The following DMXL2 variants were observed in gnomAD, a reference collection of about 807,000 sequenced individuals.
DMXL2 encodes dmX-like protein 2.
DMXL2 carries 103 observed loss-of-function variants against 331.1 expected under a neutral mutation model. The observed-to-expected ratio is 0.31, with a 90% CI of 0.27 to 0.37. The LOEUF (loss-of-function observed/expected upper bound fraction) is 0.37, where lower values mean the gene tolerates loss of function less well. Among genes scored for constraint, DMXL2 ranks in the 10% least tolerant of loss-of-function variants. The pLI is 1.00. For synonymous variants in DMXL2, 1,281 were observed against 1,252.1 expected, an observed-to-expected ratio of 1.02 and a Z score of -0.49; for missense variants, 3,171 against 3,642.9, an observed-to-expected ratio of 0.87 and a Z score of 3.33.
chr15:51,564,333 T>C (rs1412673975), intron 4 of DMXL2, 73 bp from the exon 5 acceptor site: 1 of 1,186,052 alleles, frequency 8.4e-7, no homozygotes, highest in Non-Finnish European at 1.1e-6. Flanking sequence ...GGCTTCTGTT[T>C]AGATCTGTAA....
chr15:51,612,874 C>A (rs112169910), intron 1 of DMXL2, among the ~76,000 whole-genome samples: 1 of 152,184 alleles, frequency 6.6e-6, no homozygotes, highest in Non-Finnish European at 1.5e-5. Flanking sequence ...CATCTATGAC[C>A]GTAAAAGACA....
At chr15:51,565,261 T>TA in intron 3 of DMXL2, 95 bp from the exon 4 acceptor site, 1 of 659,518 alleles carries the variant, frequency 1.5e-6, no homozygotes. Context: ...TTCTTCAACT[T>TA]AAGACTTTAA....
intron 16 of DMXL2, among the ~76,000 whole-genome samples, chr15:51,503,393 A>C (rs895305090): frequency 5.3e-5 from 8 of 152,230 alleles, no homozygotes; most frequent in Non-Finnish European, 1.0e-4. Flanking sequence ...TTCAGCTATA[A>C]ACAAGAATGA....
At position 51,545,667 on chromosome 15, in the gene DMXL2, C is replaced by A; in HGVS notation, c.846G>T (p.Gln282His). The A allele has an allele frequency of 6.2e-7, 1 of 1,613,790 alleles. No homozygotes were observed. Among genetic ancestry groups the A allele is most frequent in the African/African-American group, 1.3e-5 (1 of 75,014 alleles). ...LLPEDCLLGEQICETTTSSIA... is the reference protein window; with the variant it reads ...LLPEDCLLGEHICETTTSSIA... ...TGCTGGAAGTGGTAGTCTCACAAAT[C>A]TGCTCACCCAAAAGACAGTCTTCTG... The change falls in exon 8 of 44, where the codon CAG becomes CAT. Residue 282 changes from glutamine to histidine, a missense_variant. By Grantham distance (24) the Gln-to-His change is conservative. Around this residue, in one of 7 missense-constraint regions of DMXL2, gnomAD observed 1,674 missense variants for 1,780.2 expected, o/e 0.94. Coordinates refer to ENST00000560891, the MANE Select transcript of DMXL2 (RefSeq NM_001378457.1).
At chr15:51,449,672 A>C (rs974929291) in intron 43 of DMXL2, among the ~76,000 whole-genome samples, 1 of 152,186 alleles carries the variant, frequency 6.6e-6, no homozygotes, top group Non-Finnish European at 1.5e-5. Context: ...AGTTGAAAGT[A>C]TGTTTTTCAA....
intron 25 of DMXL2, among the ~76,000 whole-genome samples, chr15:51,479,144 A>G (rs1049210073): frequency 1.3e-5 from 2 of 152,222 alleles, no homozygotes; most frequent in African/African-American, 4.8e-5. Flanking sequence ...TGATTTAAAT[A>G]ATCTCTGCTA....
rs1484377145 is a variant in DMXL2 at position 51,451,703 on chromosome 15, A to G, written c.8697-6T>C. On this transcript the variant is annotated splice_region_variant and splice_polypyrimidine_tract_variant and intron_variant, in intron 41 of 43. Coordinates refer to ENST00000560891, the MANE Select transcript of DMXL2 (RefSeq NM_001378457.1). ...TGTCCCAGAGGCAAACATTTCTTTT[A>G]AAGAAACACAATAACAAAAATACAT... 1.4e-5 allele frequency: 23 copies of G among 1,610,370 alleles called. No homozygotes were observed. Among genetic ancestry groups the G allele is most frequent in the Non-Finnish European group, 1.9e-5 (22 of 1,177,386 alleles).
Position 51,548,178 on chromosome 15 carries a change from T to C in DMXL2, c.568-770A>G, listed in dbSNP as rs138146782. On this transcript the variant is annotated intron_variant, in intron 6 of 43. Coordinates refer to ENST00000560891, the MANE Select transcript of DMXL2 (RefSeq NM_001378457.1). ...GTATTTTAACAGAAACTATCTTTTA[T>C]AGTGCTTTATAACCAATAATAAAAA... Among the ~76,000 whole-genome samples the C allele has an allele frequency of 3.1e-3, 475 of 152,276 alleles. 3 individuals are homozygous for C. The highest frequency in any genetic ancestry group is 0.011 in the African/African-American group (458 of 41,574).
At position 51,498,578 on chromosome 15, in the gene DMXL2, T is replaced by C; in HGVS notation, c.4646A>G (p.Asp1549Gly). Reference sequence around the variant, plus strand: ...TGAGCAACTCTTATCTCTGCTTTCATCAAGCTCAGTACTAGTAGTAGCCAC... The same window carrying C: ...TGAGCAACTCTTATCTCTGCTTTCACCAAGCTCAGTACTAGTAGTAGCCAC... The part of the protein sequence containing the change: ...DTVATTSTEL[D>G]ESRDKSCSGR... Residue 1549 changes from aspartate to glycine, a missense_variant, in exon 18 of 44, where the codon GAT becomes GGT. By Grantham distance (94) the Asp-to-Gly change is moderately conservative (BLOSUM62 -1). Around this residue, in one of 7 missense-constraint regions of DMXL2, gnomAD observed 252 missense variants for 387.4 expected, o/e 0.65. Coordinates refer to ENST00000560891, the MANE Select transcript of DMXL2 (RefSeq NM_001378457.1). The C allele has an allele frequency of 6.2e-7, 1 of 1,612,138 alleles. No individual in the cohort carries two copies. Among genetic ancestry groups the C allele is most frequent in the Non-Finnish European group, 8.5e-7 (1 of 1,179,358 alleles).
chr15:51,451,794 C>T (rs2039166678), intron 41 of DMXL2, 97 bp from the exon 42 acceptor site: 1 of 1,080,394 alleles, frequency 9.3e-7, no homozygotes, highest in South Asian at 1.4e-5. Context: ...TTTGCTTATT[C>T]ATTCTTATCT....
intron 21 of DMXL2, 64 bp downstream of exon 21, chr15:51,488,484 A>T: frequency 7.3e-7 from 1 of 1,360,864 alleles, no homozygotes. Context: ...CAAAAGCATT[A>T]GGTTTCTTAC....
intron 16 of DMXL2, among the ~76,000 whole-genome samples, chr15:51,504,051 T>C (rs1297840435): frequency 1.3e-5 from 2 of 152,102 alleles, no homozygotes; most frequent in Admixed American, 6.6e-5. Context: ...CTTACAACCT[T>C]TAAAACACAT....
At chr15:51,603,995 C>T (rs1246815293) in intron 1 of DMXL2, among the ~76,000 whole-genome samples, 1 of 151,772 alleles carries the variant, frequency 6.6e-6, no homozygotes, top group Admixed American at 6.6e-5. Flanking sequence ...AACACAGATG[C>T]AAACACACTC....
At chr15:51,566,656 G>T in intron 3 of DMXL2, among the ~76,000 whole-genome samples, 1 of 151,804 alleles carries the variant, frequency 6.6e-6, no homozygotes, top group East Asian at 1.9e-4. Context: ...TACTGTTTTG[G>T]GGGAATGTAA....
chr15:51,583,121 CTT>C (rs1171970352), intron 1 of DMXL2, among the ~76,000 whole-genome samples: 13 of 34,880 alleles, frequency 3.7e-4, no homozygotes, highest in African/African-American at 1.1e-3. Flanking sequence ...TTTTTTTTTT[CTT>C]TTTTTTTTTT....
At position 51,514,319 on chromosome 15, in the gene DMXL2, C is replaced by T. The variant is rs1335413885; in HGVS notation, c.2644+123G>A. ...CTACAAGCAAGCAATTTTGACAGAA[C>T]TAACTGGTGAATCTGTCAAAAATTA... On this transcript the variant is annotated intron_variant, in intron 15 of 43. Coordinates refer to ENST00000560891, the MANE Select transcript of DMXL2 (RefSeq NM_001378457.1). 1.1e-5 allele frequency: 7 copies of T among 614,552 alleles called. No homozygotes were observed. In the African/African-American group the frequency reaches 1.3e-4, roughly 12 times the overall value. The allele number at this position is 614,552 out of a possible 1,614,324, so 38.1% of individuals were successfully genotyped here.
In DMXL2 at chr15:51,488,124, G is replaced by A; in HGVS notation, c.5052-5C>T. 6.3e-7 allele frequency: 1 copy of A among 1,590,060 alleles called. No individual in the cohort carries two copies. The highest frequency in any genetic ancestry group is 1.2e-5 in the South Asian group (1 of 86,382). On this transcript the variant is annotated splice_region_variant and splice_polypyrimidine_tract_variant and intron_variant, in intron 21 of 43. Transcript: ENST00000560891. ...ATTTTTTCATCATGCTGTGACCTGG[G>A]GACCGAGCATAAACATAAAGTGGTT...
At chr15:51,530,717 T>C (rs2047953003) in intron 13 of DMXL2, among the ~76,000 whole-genome samples, 1 of 152,132 alleles carries the variant, frequency 6.6e-6, no homozygotes, top group Non-Finnish European at 1.5e-5. Context: ...ATCACACCAC[T>C]GCACTCCAGC....
chr15:51,466,187 T>C lies in DMXL2; in HGVS notation c.7517A>G (p.Tyr2506Cys). 2 of 1,558,114 alleles carry C rather than the reference T, an allele frequency of 1.3e-6. No individual in the cohort carries two copies. Among genetic ancestry groups the C allele is most frequent in the Non-Finnish European group, 1.7e-6 (2 of 1,161,980 alleles). ...QIQEHQDPNS[Y>C]SWALLHLTMV... The stretch of plus-strand genomic sequence containing the variant: ...GAGAAAGAAAAGTCTTATTTACCTA[T>C]AGGAATTTGGATCTTGGTGCTCCTG... The change falls in exon 30 of 44, where the codon TAT (tyrosine) becomes TGT (cysteine). Residue 2506 changes from tyrosine (Y) to cysteine (C), a missense_variant. This residue lies in a region of DMXL2 where 766 missense variants were observed against 940.5 expected (regional missense o/e 0.81). Coordinates refer to ENST00000560891, the MANE Select transcript of DMXL2 (RefSeq NM_001378457.1).
Sources: gnomAD v4.1 joint callset for allele counts (sites outside exome capture counted in the v4.1 genomes callset) on GRCh38, gnomAD v4.1.1 for gene constraint, gnomAD v4.1.1 regional missense constraint, MANE v1.5 for transcripts, NCBI Gene and HGNC (gene_info 2026-07-23, HGNC 2026-07-21) for gene names.